The following MMS22L variants were observed in gnomAD, a reference collection of about 807,000 sequenced individuals.
The protein encoded by MMS22L is protein MMS22-like.
Under a neutral mutation model 159.1 loss-of-function variants are expected in MMS22L, and 74 were observed. That is an observed-to-expected ratio of 0.47 (90% CI 0.39 to 0.56). The LOEUF is 0.56. Ranked by LOEUF, MMS22L falls within the 20% of genes least tolerant of loss-of-function variation. The pLI, the probability that MMS22L is intolerant of heterozygous loss-of-function variation, is 0.00. For synonymous variants in MMS22L, 517 were observed against 506.9 expected, an observed-to-expected ratio of 1.02 and a Z score of -0.27; for missense variants, 1,351 against 1,422.1, an observed-to-expected ratio of 0.95 and a Z score of 0.80.
At chr6:97,167,714 A>G (rs1803108433) in intron 20 of MMS22L, among the ~76,000 whole-genome samples, 1 of 152,024 alleles carries the variant, frequency 6.6e-6, no homozygotes, top group African/African-American at 2.4e-5. Context: ...TGAAATGAAA[A>G]GCCCTCCAAC....
chr6:97,182,137 AGT>A, intron 15 of MMS22L, 83 bp from the exon 16 acceptor site: 1 of 1,105,136 alleles, frequency 9.0e-7, no homozygotes. Context: ...AATTATAACA[AGT>A]GTTTTTTTTT....
intron 11 of MMS22L, 29 bp from the exon 12 acceptor site, chr6:97,234,009 GTAAATGGGCTCTGGCAATA>G (rs1254873492): frequency 6.3e-7 from 1 of 1,595,884 alleles, no homozygotes; most frequent in East Asian, 2.3e-5. Flanking sequence ...TTATGAGAAG[GTAAATGGGCTCTGGCAATA>G]TAAACATTTT....
At chr6:97,238,103 T>C (rs1297516341) in intron 11 of MMS22L, among the ~76,000 whole-genome samples, 1 of 152,232 alleles carries the variant, frequency 6.6e-6, no homozygotes, top group Non-Finnish European at 1.5e-5. Flanking sequence ...CTAAGCTAGC[T>C]GTGTGAACCT....
intron 14 of MMS22L, among the ~76,000 whole-genome samples, chr6:97,222,415 A>T (rs970418129): frequency 2.0e-5 from 3 of 152,062 alleles, no homozygotes; most frequent in Admixed American, 2.0e-4. Flanking sequence ...CAAAAAGGTA[A>T]TTATCGCTTC....
intron 13 of MMS22L, chr6:97,231,039 G>A (rs1364724668): frequency 5.9e-6 from 1 of 168,340 alleles, no homozygotes; most frequent in Non-Finnish European, 1.3e-5. Flanking sequence ...TCTCAAAAGA[G>A]ACAGAGAAAA....
intron 14 of MMS22L, among the ~76,000 whole-genome samples, chr6:97,196,771 T>C (rs1806562087): frequency 6.6e-6 from 1 of 152,182 alleles, no homozygotes; most frequent in Non-Finnish European, 1.5e-5. Flanking sequence ...AATATTTTCA[T>C]TAAAAAAACC....
At chr6:97,182,130 T>G in intron 15 of MMS22L, 76 bp from the exon 16 acceptor site, 1 of 1,182,086 alleles carries the variant, frequency 8.5e-7, no homozygotes, top group Non-Finnish European at 1.2e-6. Flanking sequence ...CCTGGCCAAT[T>G]ATAACAAGTG....
chr6:97,159,957 T>G (rs1562399868), intron 22 of MMS22L, among the ~76,000 whole-genome samples: 1 of 148,576 alleles, frequency 6.7e-6, no homozygotes, highest in African/African-American at 2.5e-5. Flanking sequence ...TGTTTTTTTT[T>G]TTTTTTTTTT....
chr6:97,230,272 T>A (rs935231308), intron 13 of MMS22L: 12 of 150,168 alleles, frequency 8.0e-5, no homozygotes, highest in African/African-American at 2.9e-4. Context: ...ATTTTTTTTT[T>A]TTTTTTTTTT....
At position 97,181,722 on chromosome 6, in the gene MMS22L, A is replaced by G. The variant is rs1804730146; in HGVS notation, c.2384+182T>C. Among the ~76,000 whole-genome samples the G allele has an allele frequency of 1.3e-5, 2 of 152,126 alleles. 1 individual carries two copies. Among genetic ancestry groups the G allele is most frequent in the Admixed American group, 1.3e-4 (2 of 15,270 alleles). On this transcript the variant is annotated intron_variant, in intron 16 of 24. Transcript: ENST00000683635. ...TTTTTTTTAAAGCAGGCCACAAAAT[A>G]TAAGTTAGTGTTCTTACTATTACTA...
chr6:97,234,039 C>T, intron 11 of MMS22L, 59 bp from the exon 12 acceptor site: 1 of 1,561,206 alleles, frequency 6.4e-7, no homozygotes, highest in South Asian at 1.2e-5. Flanking sequence ...TAAACATTTT[C>T]ACTTGATATT....
intron 14 of MMS22L, among the ~76,000 whole-genome samples, chr6:97,191,363 T>C (rs144657099): frequency 4.1e-4 from 63 of 152,306 alleles, no homozygotes; most frequent in African/African-American, 1.4e-3. Flanking sequence ...ATAACTGTTA[T>C]AGAATAAGGT....
In MMS22L at chr6:97,145,589, G is replaced by A. The variant is rs755873586; in HGVS notation, c.*1217C>T. 6.6e-6 allele frequency: 1 copy of A among 152,120 alleles called. No homozygotes were observed. Among genetic ancestry groups the A allele is most frequent in the Non-Finnish European group, 1.5e-5 (1 of 67,974 alleles). The allele number at this position is 152,120 out of a possible 1,614,324, so 9.4% of individuals were successfully genotyped here. A position where few individuals can be genotyped will look rare whatever the true frequency, so the allele number is the denominator to read the frequency against. On this transcript the variant is annotated 3_prime_UTR_variant, in exon 25 of 25. Transcript: ENST00000683635. Reference sequence around the variant, plus strand: ...GGTGTTCTTTGCCTTAATTGTGCACGAGTAATAAACTAATCGTGTCTGTAC... The same window carrying A: ...GGTGTTCTTTGCCTTAATTGTGCACAAGTAATAAACTAATCGTGTCTGTAC...
chr6:97,181,775 C>A, intron 16 of MMS22L, 129 bp downstream of exon 16: 1 of 931,340 alleles, frequency 1.1e-6, no homozygotes, highest in Non-Finnish European at 1.5e-6. Context: ...TATCTGAAAG[C>A]AAAAACCTGA....
chr6:97,158,156 G>A (rs988238577), intron 22 of MMS22L, among the ~76,000 whole-genome samples: 5 of 151,880 alleles, frequency 3.3e-5, no homozygotes, highest in Non-Finnish European at 7.4e-5. Flanking sequence ...CTGTGGGATC[G>A]GTGGTGATAA....
chr6:97,263,995 A>T (rs1582836560), intron 8 of MMS22L: 1 of 152,394 alleles, frequency 6.6e-6, no homozygotes, highest in Non-Finnish European at 1.5e-5. Flanking sequence ...GGCATGAGCC[A>T]CCTCGCCCAG....
At chr6:97,196,133 C>T (rs1017502631) in intron 14 of MMS22L, among the ~76,000 whole-genome samples, 7 of 152,128 alleles carry the variant, frequency 4.6e-5, no homozygotes, top group African/African-American at 1.7e-4. Context: ...TTAATGAACA[C>T]GTCAATGTCT....
At chr6:97,215,912 A>G (rs1392108382) in intron 14 of MMS22L, among the ~76,000 whole-genome samples, 1 of 152,188 alleles carries the variant, frequency 6.6e-6, no homozygotes, top group South Asian at 2.1e-4. Flanking sequence ...TTCATTTTAA[A>G]TAAGCCTTAA....
chr6:97,259,293 T>C (rs796907191), intron 9 of MMS22L: 46 of 152,332 alleles, frequency 3.0e-4, no homozygotes, highest in African/African-American at 1.1e-3. Flanking sequence ...ATGTGTCAAC[T>C]TGAACAGGCC....
Sources: allele counts gnomAD v4.1 joint callset (sites outside exome capture counted in the v4.1 genomes callset), GRCh38; gene constraint gnomAD v4.1.1; transcripts MANE v1.5; gene names NCBI Gene and HGNC (gene_info 2026-07-23, HGNC 2026-07-21).